HPSE2: variants seen among roughly 807,000 people sequenced by gnomAD.
HPSE2 encodes inactive heparanase-2.
In HPSE2, 38 loss-of-function variants were observed where a neutral mutation model predicts 60.5. The ratio of observed to expected loss-of-function variants is 0.63; its 90% CI spans 0.48 to 0.82. HPSE2 has a LOEUF of 0.82. Among genes scored for constraint, HPSE2 ranks in the 40% least tolerant of loss-of-function variants. The probability of loss-of-function intolerance (pLI) is 0.00; values close to 1 mark genes in which losing one functional copy is unlikely to be tolerated. For missense variants in HPSE2, 713 were observed against 740.4 expected (o/e 0.96, Z 0.43); for synonymous variants, 295 against 293.2 (o/e 1.01, Z -0.06).
At position 98,656,396 on chromosome 10, in the gene HPSE2, T is replaced by C. The variant is rs544271372; in HGVS notation, c.1005-14456A>G. Among the ~76,000 whole-genome samples the C allele has an allele frequency of 1.6e-4, 24 of 152,296 alleles. No homozygotes were observed. In the East Asian group the frequency reaches 4.4e-3, roughly 28 times the overall value. On this transcript the variant is annotated intron_variant, in intron 6 of 11. Coordinates refer to ENST00000370552, the MANE Select transcript of HPSE2 (RefSeq NM_021828.5). ...CACCATGCCCAGCCTTGAGTTTGAT[T>C]TTCTACACTTTCATTTATACATGAG...
intron 3 of HPSE2, among the ~76,000 whole-genome samples, chr10:98,827,775 A>G (rs564110038): frequency 3.8e-4 from 58 of 152,218 alleles, no homozygotes; most frequent in Non-Finnish European, 7.1e-4. Flanking sequence ...CAAGGCACAT[A>G]TCCGACCACT....
intron 3 of HPSE2, among the ~76,000 whole-genome samples, chr10:98,919,975 G>A (rs1399759094): frequency 6.6e-6 from 1 of 152,104 alleles, no homozygotes; most frequent in African/African-American, 2.4e-5. Flanking sequence ...AGACATGGAG[G>A]TGCACTGCTC....
chr10:99,236,011 T>TA, upstream of HPSE2: 1 of 455,466 alleles, frequency 2.2e-6, no homozygotes, highest in Non-Finnish European at 3.8e-6. Flanking sequence ...TTTTTTTTTT[T>TA]AATTTTTTTT....
intron 9 of HPSE2, among the ~76,000 whole-genome samples, chr10:98,538,456 T>C (rs2133817398): frequency 6.6e-6 from 1 of 152,278 alleles, no homozygotes; most frequent in African/African-American, 2.4e-5. Context: ...TTACACTAGT[T>C]TCTTGAAGCA....
At chr10:98,790,153 C>A (rs752396573) in intron 3 of HPSE2, among the ~76,000 whole-genome samples, 3 of 152,116 alleles carry the variant, frequency 2.0e-5, no homozygotes, top group Non-Finnish European at 4.4e-5. Context: ...AAGTGACTGA[C>A]AGAATTTCCT....
intron 3 of HPSE2, among the ~76,000 whole-genome samples, chr10:98,909,352 C>G (rs1228240471): frequency 2.0e-5 from 3 of 149,306 alleles, no homozygotes; most frequent in African/African-American, 7.4e-5. Flanking sequence ...TTTTTTTGGC[C>G]GGATACAGTG....
At chr10:99,040,825 G>A (rs1011699210) in intron 3 of HPSE2, among the ~76,000 whole-genome samples, 5 of 152,080 alleles carry the variant, frequency 3.3e-5, no homozygotes, top group African/African-American at 7.2e-5. Flanking sequence ...AGTGGCTCAC[G>A]CCTGTAATCC....
chr10:99,250,906 TAGAA>T, the HPSE2 span, among the ~76,000 whole-genome samples: 1 of 152,106 alleles, frequency 6.6e-6, no homozygotes, highest in East Asian at 1.9e-4. Context: ...ACAAAAAAAT[TAGAA>T]AGATCTTAAA....
At chr10:99,186,129 C>CACACACACATACAT (rs1554912903) in intron 2 of HPSE2, among the ~76,000 whole-genome samples, 1 of 141,610 alleles carries the variant, frequency 7.1e-6, no homozygotes, top group Non-Finnish European at 1.6e-5. Flanking sequence ...CACACACACA[C>CACACACACATACAT]ACACACACAC....
Position 98,933,756 on chromosome 10 carries a change from G to A in HPSE2, c.611-189700C>T, listed in dbSNP as rs561721583. Among the ~76,000 whole-genome samples, 38 of 139,978 alleles carry A rather than the reference G, an allele frequency of 2.7e-4. 9 individuals carry two copies. Among genetic ancestry groups the A allele is most frequent in the African/African-American group, 1.1e-3 (37 of 33,410 alleles). The allele number at this position is 139,978 out of a possible 152,430, so 91.8% of individuals were successfully genotyped here. ...TTCTTTTCTTTTTTTTTTTGAGATG[G>A]AGTCTTGCTCTTTTGCCCAGGCTGG... On this transcript the variant is annotated intron_variant, in intron 3 of 11. Transcript: ENST00000370552.
chr10:99,020,698 G>C (rs1023105492), intron 3 of HPSE2, among the ~76,000 whole-genome samples: 12 of 152,180 alleles, frequency 7.9e-5, no homozygotes, highest in African/African-American at 2.9e-4. Context: ...AAACTTTTGT[G>C]AAGAACACAC....
At chr10:98,611,527 C>A (rs1383917254) in intron 9 of HPSE2, among the ~76,000 whole-genome samples, 1 of 152,218 alleles carries the variant, frequency 6.6e-6, no homozygotes, top group East Asian at 1.9e-4. Flanking sequence ...AAGATTTAAT[C>A]ACAATGTAAA....
At chr10:98,512,792 C>G (rs1942456298) in intron 9 of HPSE2, among the ~76,000 whole-genome samples, 1 of 140,464 alleles carries the variant, frequency 7.1e-6, no homozygotes, top group Non-Finnish European at 1.6e-5. Flanking sequence ...CCTCCCAGAC[C>G]CATTCCACTC....
intron 9 of HPSE2, among the ~76,000 whole-genome samples, chr10:98,517,529 C>T (rs1342029016): frequency 6.6e-6 from 1 of 152,078 alleles, no homozygotes; most frequent in African/African-American, 2.4e-5. Flanking sequence ...AGAAAGTGTC[C>T]CATTAACCTA....
intron 2 of HPSE2, among the ~76,000 whole-genome samples, chr10:99,205,770 A>G (rs1848725489): frequency 6.6e-6 from 1 of 152,242 alleles, no homozygotes; most frequent in Non-Finnish European, 1.5e-5. Context: ...CCATACTACT[A>G]TATTAATTCT....
At chr10:99,069,407 A>G (rs994851564) in intron 3 of HPSE2, among the ~76,000 whole-genome samples, 2 of 152,118 alleles carry the variant, frequency 1.3e-5, no homozygotes, top group African/African-American at 4.8e-5. Flanking sequence ...CATGAGAGCT[A>G]GACCTCGCAG....
intron 3 of HPSE2, among the ~76,000 whole-genome samples, chr10:98,788,597 A>T (rs1950583350): frequency 6.6e-6 from 1 of 152,082 alleles, no homozygotes; most frequent in South Asian, 2.1e-4. Flanking sequence ...AATTAGCGAG[A>T]TTCCGTGGGC....
chr10:99,036,883 G>GATAA (rs1957621254), intron 3 of HPSE2, among the ~76,000 whole-genome samples: 1 of 152,130 alleles, frequency 6.6e-6, no homozygotes, highest in African/African-American at 2.4e-5. Flanking sequence ...TTACTCAGTT[G>GATAA]CTTAGTTGTT....
chr10:98,655,481 T>A (rs891316012), intron 6 of HPSE2, among the ~76,000 whole-genome samples: 3 of 152,014 alleles, frequency 2.0e-5, no homozygotes, highest in Non-Finnish European at 4.4e-5. Flanking sequence ...TGGTGGTAAC[T>A]GTGGATTCAC....
Sources: gnomAD v4.1 joint callset for allele counts (sites outside exome capture counted in the v4.1 genomes callset) on GRCh38, gnomAD v4.1.1 for gene constraint, MANE v1.5 for transcripts, NCBI Gene and HGNC (gene_info 2026-07-23, HGNC 2026-07-21) for gene names.